UBR3: variants seen among roughly 807,000 people sequenced by gnomAD.
The protein encoded by UBR3 is ubiquitin protein ligase E3 component n-recognin 3, also known as E3 ubiquitin-protein ligase UBR3.
UBR3 carries 85 observed loss-of-function variants against 243.2 expected under a neutral mutation model. That is an observed-to-expected ratio of 0.35 (90% confidence interval 0.29 to 0.42). UBR3 has a LOEUF of 0.42. UBR3 is among the 10% of genes least tolerant of loss of function. The pLI is 1.00. For missense variants in UBR3, 1,686 were observed against 2,300.8 expected (o/e 0.73, Z 5.47); for synonymous variants, 748 against 799.8 (o/e 0.94, Z 1.09).
Position 169,827,482 on chromosome 2 carries a change from G to C in UBR3, c.-26G>C. The C allele has an allele frequency of 8.2e-7, 1 of 1,224,426 alleles. No homozygotes were observed. The highest frequency in any genetic ancestry group is 1.0e-6 in the Non-Finnish European group (1 of 983,430). 75.8% of individuals were successfully genotyped at this position (1,224,426 alleles called of 1,614,324 possible). On this transcript the variant is annotated 5_prime_UTR_variant, in exon 1 of 39. Transcript: ENST00000272793. ...CTCCCTGGAGGAGCCGCTGGCCCTG[G>C]ACTCTCCAAATTCTGAGCTCTCATC...
chr2:170,066,888 C>G (rs1354601242), intron 35 of UBR3, among the ~76,000 whole-genome samples: 2 of 151,736 alleles, frequency 1.3e-5, no homozygotes, highest in Non-Finnish European at 2.9e-5. Context: ...GGCGTGAACC[C>G]AGGAGGCAGA....
intron 6 of UBR3, 97 bp downstream of exon 6, chr2:169,891,328 AAAGCTGTTTG>A: frequency 1.1e-6 from 1 of 874,488 alleles, no homozygotes; most frequent in Non-Finnish European, 1.8e-6. Context: ...TACTGACATC[AAAGCTGTTTG>A]AAGGGAGGCT....
chr2:169,962,805 A>C (rs945806582), intron 24 of UBR3, among the ~76,000 whole-genome samples: 2 of 151,972 alleles, frequency 1.3e-5, no homozygotes, highest in Non-Finnish European at 2.9e-5. Context: ...TGAAAAACTT[A>C]TGTTAGTCTT....
chr2:169,836,091 T>TTTTA (rs2082105142), intron 1 of UBR3, among the ~76,000 whole-genome samples: 1 of 115,848 alleles, frequency 8.6e-6, no homozygotes, highest in Non-Finnish European at 1.8e-5. Flanking sequence ...TTTTTTTTTT[T>TTTTA]TTGAGATGGA....
chr2:169,880,488 TCTTGGC>T (rs1216054500), intron 5 of UBR3, among the ~76,000 whole-genome samples: 1 of 152,210 alleles, frequency 6.6e-6, no homozygotes, highest in Non-Finnish European at 1.5e-5. Context: ...ATCATTTTTA[TCTTGGC>T]CTGAACTCTC....
chr2:169,881,190 A>G lies in UBR3; in HGVS notation c.1038+2616A>G, dbSNP rs371094425. Reference sequence around the variant, plus strand: ...TTTGACCTTTATTTTTTATTTATTTATTTTTTTGAGATAGAGTCTTGCTAC... The same window carrying G: ...TTTGACCTTTATTTTTTATTTATTTGTTTTTTTGAGATAGAGTCTTGCTAC... On this transcript the variant is annotated intron_variant, in intron 5 of 38. Transcript: ENST00000272793. 2.6e-5 allele frequency among the ~76,000 whole-genome samples: 4 copies of G among 151,624 alleles called. No individual in the cohort carries two copies. The East Asian group carries it at 5.8e-4, about 22-fold the overall frequency.
chr2:170,027,924 C>T (rs1376901074), intron 30 of UBR3, among the ~76,000 whole-genome samples: 1 of 151,728 alleles, frequency 6.6e-6, no homozygotes, highest in Non-Finnish European at 1.5e-5. Context: ...TAACTTGCCT[C>T]AAAAGTGAGG....
chr2:169,915,595 G>C (rs80147975), intron 11 of UBR3, among the ~76,000 whole-genome samples: 6,232 of 152,186 alleles, frequency 0.041, 182 homozygotes, highest in East Asian at 0.11. Flanking sequence ...ATTAGATTCA[G>C]ATTATGTATC....
intron 31 of UBR3, among the ~76,000 whole-genome samples, chr2:170,037,972 C>T (rs1240837004): frequency 1.3e-5 from 2 of 152,020 alleles, no homozygotes; most frequent in Non-Finnish European, 2.9e-5. Context: ...TAAAGGAATC[C>T]ACCTCTCATT....
At position 169,890,593 on chromosome 2, in the gene UBR3, G is replaced by GTA. The variant is rs72493218; in HGVS notation, c.1039-564_1039-563dup. On this transcript the variant is annotated intron_variant, in intron 5 of 38. Coordinates refer to ENST00000272793, the MANE Select transcript of UBR3 (RefSeq NM_172070.4). ...TATATATATATATGTATATATATATGTATATATATGTATATATATCATTGA... is the reference window on the plus strand; with the variant it reads ...TATATATATATATGTATATATATATGTATATATATATGTATATATATCATTGA... Among the ~76,000 whole-genome samples, 3 of 76,162 alleles carry GTA rather than the reference G, an allele frequency of 3.9e-5. 1 individual carries two copies. The highest frequency in any genetic ancestry group is 3.0e-4 in the Admixed American group (2 of 6,588). The allele number at this position is 76,162 out of a possible 152,430, so 50.0% of individuals were successfully genotyped here. A position where few individuals can be genotyped will look rare whatever the true frequency, so the allele number is the denominator to read the frequency against.
At chr2:169,856,154 G>A (rs923078703) in intron 1 of UBR3, among the ~76,000 whole-genome samples, 3 of 151,542 alleles carry the variant, frequency 2.0e-5, no homozygotes, top group Middle Eastern at 3.4e-3. Flanking sequence ...CCTCCCAGAC[G>A]GGGTGGCGGC....
intron 36 of UBR3, chr2:170,078,055 T>C (rs2091847176): frequency 1.5e-6 from 1 of 677,660 alleles, no homozygotes; most frequent in East Asian, 3.0e-5. Context: ...TACTGCTCCC[T>C]GTGGAGTCTT....
intron 24 of UBR3, among the ~76,000 whole-genome samples, chr2:169,966,464 T>C (rs1439624038): frequency 6.6e-6 from 1 of 152,234 alleles, no homozygotes; most frequent in African/African-American, 2.4e-5. Context: ...TGTACACTAC[T>C]GATTATACTA....
intron 10 of UBR3, among the ~76,000 whole-genome samples, chr2:169,907,908 A>G (rs527810247): frequency 1.3e-5 from 2 of 152,144 alleles, no homozygotes; most frequent in South Asian, 4.2e-4. Context: ...AGTAGCTGGG[A>G]TTACAAGTGT....
intron 20 of UBR3, among the ~76,000 whole-genome samples, chr2:169,945,695 T>G (rs2086763474): frequency 6.6e-6 from 1 of 152,194 alleles, no homozygotes; most frequent in Non-Finnish European, 1.5e-5. Context: ...TATATCATAT[T>G]GAATGAGTGA....
chr2:169,995,546 C>T (rs2089447013), intron 26 of UBR3, among the ~76,000 whole-genome samples: 1 of 152,168 alleles, frequency 6.6e-6, no homozygotes, highest in Non-Finnish European at 1.5e-5. Flanking sequence ...TGCTTAAAGT[C>T]ACAGTTTCCA....
chr2:169,896,646 A>G lies in UBR3; in HGVS notation c.1376A>G (p.Gln459Arg), dbSNP rs1410962256. 2.6e-6 allele frequency: 4 copies of G among 1,551,232 alleles called. No homozygotes were observed. The highest frequency in any genetic ancestry group is 3.9e-5 in the Admixed American group (2 of 50,968). ...TTCAGCAATGAGGAGCTAGCCAGAC[A>G]GGTAACAGAAGAATGTCAGCTGCTG... ...QLFSNEELAR[Q>R]VTEECQLLDI... is the part of the protein sequence containing the mutation. Residue 459 changes from glutamine to arginine, a missense_variant, in exon 8 of 39, where the codon CAG becomes CGG. Gln to Arg is a conservative substitution (Grantham distance 43, BLOSUM62 1). Transcript: ENST00000272793.
chr2:170,077,645 G>T, intron 36 of UBR3: 1 of 420,850 alleles, frequency 2.4e-6, no homozygotes. Context: ...GAGTGCAGTA[G>T]AGCGATCTTG....
chr2:169,984,985 A>G (rs908160054), intron 24 of UBR3, among the ~76,000 whole-genome samples: 1 of 150,932 alleles, frequency 6.6e-6, no homozygotes, highest in African/African-American at 2.4e-5. Context: ...GGTTTCCTTG[A>G]GGTTTTCAAG....
Sources: allele counts gnomAD v4.1 joint callset (sites outside exome capture counted in the v4.1 genomes callset), GRCh38; gene constraint gnomAD v4.1.1; transcripts MANE v1.5; gene names NCBI Gene and HGNC (gene_info 2026-07-23, HGNC 2026-07-21).